ANO6: variants seen among roughly 807,000 people sequenced by gnomAD.
ANO6 encodes the protein anoctamin-6.
A neutral mutation model predicts 117.5 loss-of-function variants in ANO6; 106 were observed. The observed-to-expected ratio is 0.90, with a 90% CI of 0.77 to 1.06. The LOEUF is 1.06. Among genes scored for constraint, ANO6 ranks in the 50% least tolerant of loss-of-function variants. ANO6 has a pLI of 0.00. For synonymous variants in ANO6, 367 were observed against 385.1 expected (o/e 0.95, Z 0.55); for missense variants, 955 against 1,121.1 (o/e 0.85, Z 2.12).
chr12:45,328,881 A>G (rs1175003578), intron 2 of ANO6, among the ~76,000 whole-genome samples: 1 of 152,122 alleles, frequency 6.6e-6, no homozygotes, highest in African/African-American at 2.4e-5. Flanking sequence ...ATGTTTTGAT[A>G]CTTACTTTTC....
chr12:45,314,369 G>A (rs1402664086), intron 2 of ANO6, among the ~76,000 whole-genome samples: 1 of 151,268 alleles, frequency 6.6e-6, no homozygotes, highest in Non-Finnish European at 1.5e-5. Flanking sequence ...AGCATTTTGG[G>A]AGGCCAAGAC....
chr12:45,224,190 G>T (rs1316954631), intron 1 of ANO6, among the ~76,000 whole-genome samples: 1 of 152,128 alleles, frequency 6.6e-6, no homozygotes, highest in East Asian at 1.9e-4. Context: ...CTTGCCTAGG[G>T]GAATCCAGGA....
chr12:45,245,767 AGTTAATG>A (rs1947815763), intron 1 of ANO6, among the ~76,000 whole-genome samples: 1 of 152,146 alleles, frequency 6.6e-6, no homozygotes, highest in South Asian at 2.1e-4. Context: ...TGTTTATAGT[AGTTAATG>A]GAAATCTTAT....
intron 2 of ANO6, among the ~76,000 whole-genome samples, chr12:45,317,293 C>T (rs538003909): frequency 2.1e-5 from 2 of 96,090 alleles, no homozygotes; most frequent in African/African-American, 7.1e-5. Context: ...CACAACAGGC[C>T]CCCGTGTGTG....
intron 3 of ANO6, among the ~76,000 whole-genome samples, chr12:45,332,508 C>T (rs1378668533): frequency 6.6e-6 from 1 of 151,958 alleles, no homozygotes; most frequent in Non-Finnish European, 1.5e-5. Context: ...TTTATATTTG[C>T]ATGGTGGAAT....
chr12:45,341,658 A>G (rs555463222), intron 3 of ANO6, among the ~76,000 whole-genome samples: 1 of 152,316 alleles, frequency 6.6e-6, no homozygotes, highest in East Asian at 1.9e-4. Context: ...CAAGTGGTGT[A>G]GAAGAGTCAA....
At chr12:45,263,905 A>T (rs2137217764) in intron 1 of ANO6, among the ~76,000 whole-genome samples, 1 of 152,358 alleles carries the variant, frequency 6.6e-6, no homozygotes, top group East Asian at 1.9e-4. Flanking sequence ...TCACTGAAAT[A>T]AAAGTAGCCT....
At chr12:45,298,980 G>C (rs1274858530) in intron 1 of ANO6, among the ~76,000 whole-genome samples, 1 of 150,926 alleles carries the variant, frequency 6.6e-6, no homozygotes, top group Admixed American at 6.6e-5. Flanking sequence ...TATAATACTG[G>C]TGTAAAAAAA....
At chr12:45,395,545 G>T (rs1593061486) in intron 12 of ANO6, among the ~76,000 whole-genome samples, 1 of 152,090 alleles carries the variant, frequency 6.6e-6, no homozygotes, top group East Asian at 1.9e-4. Context: ...CAAAAAAAGA[G>T]AATTTTAGGC....
chr12:45,272,513 C>T (rs1646306163), intron 1 of ANO6, among the ~76,000 whole-genome samples: 1 of 152,150 alleles, frequency 6.6e-6, no homozygotes, highest in Admixed American at 6.6e-5. Context: ...TGTTTTTACA[C>T]TGAATATGGC....
chr12:45,299,057 A>C (rs1939393300), intron 1 of ANO6, among the ~76,000 whole-genome samples: 1 of 152,154 alleles, frequency 6.6e-6, no homozygotes, highest in East Asian at 1.9e-4. Flanking sequence ...AAATATCATA[A>C]ATACCATAGA....
At chr12:45,223,169 G>A (rs1306214106) in intron 1 of ANO6, among the ~76,000 whole-genome samples, 1 of 152,166 alleles carries the variant, frequency 6.6e-6, no homozygotes, top group Admixed American at 6.5e-5. Context: ...CAAATTAATG[G>A]AACCCAAGGA....
chr12:45,351,398 C>T (rs778390450), intron 7 of ANO6, among the ~76,000 whole-genome samples: 57 of 152,166 alleles, frequency 3.7e-4, no homozygotes, highest in Non-Finnish European at 4.4e-4. Flanking sequence ...TCCCAAGGTA[C>T]CCTGTTGGTT....
chr12:45,312,325 G>A (rs957853804), intron 2 of ANO6, among the ~76,000 whole-genome samples: 10 of 152,118 alleles, frequency 6.6e-5, no homozygotes, highest in South Asian at 4.1e-4. Flanking sequence ...TAACCTCATC[G>A]TATCATGACC....
chr12:45,435,163 C>A (rs1431951325), downstream of ANO6, among the ~76,000 whole-genome samples: 6 of 152,172 alleles, frequency 3.9e-5, no homozygotes, highest in Admixed American at 3.9e-4. Flanking sequence ...AGCTTTTTCC[C>A]TGGGTTTTCC....
chr12:45,324,056 G>T (rs955868801), intron 2 of ANO6, among the ~76,000 whole-genome samples: 5 of 150,618 alleles, frequency 3.3e-5, no homozygotes, highest in African/African-American at 1.2e-4. Flanking sequence ...TCCTGCCTCA[G>T]CCTCCCGAGT....
At position 45,426,738 on chromosome 12, in the gene ANO6, A is replaced by G. The variant is rs755873064; in HGVS notation, c.2527-2367A>G. On this transcript the variant is annotated intron_variant, in intron 19 of 19. Coordinates refer to ENST00000320560, the MANE Select transcript of ANO6 (RefSeq NM_001025356.3). ...CCCTGGCCATTCCACCTCAGGTTCT[A>G]TGCCAGTCACTTATTCTCTTAGTGA... Among the ~76,000 whole-genome samples the G allele has an allele frequency of 1.5e-3, 233 of 152,098 alleles. 1 individual carries two copies. The highest frequency in any genetic ancestry group is 9.1e-4 in the Non-Finnish European group (62 of 67,988).
intron 3 of ANO6, among the ~76,000 whole-genome samples, chr12:45,340,952 A>T (rs1248978706): frequency 6.6e-6 from 1 of 152,204 alleles, no homozygotes; most frequent in Non-Finnish European, 1.5e-5. Flanking sequence ...GGTTTGATCA[A>T]TTTTTTAAGT....
At chr12:45,400,808 G>A (rs1264040782) in intron 12 of ANO6, among the ~76,000 whole-genome samples, 1 of 152,150 alleles carries the variant, frequency 6.6e-6, no homozygotes, top group Admixed American at 6.5e-5. Context: ...GGTTTGCTTG[G>A]TCCTCAGTTT....
Sources: allele counts gnomAD v4.1 joint callset (sites outside exome capture counted in the v4.1 genomes callset), GRCh38; gene constraint gnomAD v4.1.1; transcripts MANE v1.5; gene names NCBI Gene and HGNC (gene_info 2026-07-23, HGNC 2026-07-21).